The following CPNE3 variants were observed in gnomAD, a reference collection of about 807,000 sequenced individuals.
CPNE3 encodes copine-3.
A neutral mutation model predicts 63.9 loss-of-function variants in CPNE3; 68 were observed. The observed-to-expected ratio is 1.06, with a 90% confidence interval of 0.87 to 1.30. The LOEUF is 1.30. Among genes scored for constraint, CPNE3 ranks in the 50% most tolerant of loss-of-function variants. CPNE3 has a pLI of 0.00. For synonymous variants in CPNE3, 219 were observed against 197.5 expected (o/e 1.11, Z -0.91); for missense variants, 665 against 578.1 (o/e 1.15, Z -1.54).
intron 14 of CPNE3, among the ~76,000 whole-genome samples, chr8:86,552,830 A>G (rs961095000): frequency 5.7e-5 from 8 of 141,484 alleles, no homozygotes; most frequent in Non-Finnish European, 1.1e-4. Flanking sequence ...AATTATTATT[A>G]TTATTAATTT....
chr8:86,531,563 A>G (rs1390413935), intron 5 of CPNE3, among the ~76,000 whole-genome samples: 1 of 152,198 alleles, frequency 6.6e-6, no homozygotes, highest in Non-Finnish European at 1.5e-5. Flanking sequence ...TTGGTTCTCT[A>G]CTGGAGGAAC....
At position 86,554,895 on chromosome 8, in the gene CPNE3, A is replaced by G; in HGVS notation, c.1165A>G (p.Ile389Val). The change falls in exon 15 of 17, where the codon ATA (isoleucine) becomes GTA (valine). Residue 389 changes from isoleucine to valine, a missense_variant. Transcript: ENST00000517490. ...GGCGTATCGGTCTTGTCTTCCTCAG[A>G]TAAAACTCTATGGACCAACTAATTT... ...VEAYRSCLPQ[I>V]KLYGPTNFSP... 1 of 1,614,180 alleles carries G rather than the reference A, an allele frequency of 6.2e-7. No individual in the cohort carries two copies. Among genetic ancestry groups the G allele is most frequent in the Non-Finnish European group, 8.5e-7 (1 of 1,180,030 alleles).
intron 12 of CPNE3, 135 bp from the exon 13 acceptor site, chr8:86,550,911 G>T: frequency 1.3e-6 from 1 of 799,822 alleles, no homozygotes; most frequent in Non-Finnish European, 1.9e-6. Context: ...GATTCTCTTT[G>T]GCAGTTAATA....
At chr8:86,553,523 C>G (rs528734932) in intron 14 of CPNE3, among the ~76,000 whole-genome samples, 2 of 152,232 alleles carry the variant, frequency 1.3e-5, no homozygotes, top group African/African-American at 4.8e-5. Context: ...TTCAGCATAG[C>G]AATATGCAGT....
intron 9 of CPNE3, chr8:86,545,122 A>G (rs776506749): frequency 7.4e-5 from 15 of 203,686 alleles, no homozygotes; most frequent in Admixed American, 1.2e-4. Flanking sequence ...TAGAAGTCCA[A>G]TCCTTTTGCC....
At chr8:86,534,257 A>G (rs1279064582) in intron 6 of CPNE3, among the ~76,000 whole-genome samples, 2 of 152,234 alleles carry the variant, frequency 1.3e-5, no homozygotes, top group Non-Finnish European at 2.9e-5. Flanking sequence ...TGTTGGCAAG[A>G]CAGTTTCATC....
intron 8 of CPNE3, among the ~76,000 whole-genome samples, chr8:86,543,204 G>A (rs1820979042): frequency 6.6e-6 from 1 of 152,072 alleles, no homozygotes; most frequent in Non-Finnish European, 1.5e-5. Flanking sequence ...TGGATACTGA[G>A]TAGGGCAAGA....
At position 86,540,289 on chromosome 8, in the gene CPNE3, CT is replaced by C; in HGVS notation, c.589del (p.Ser197LeufsTer37). The C allele has an allele frequency of 6.2e-7, 1 of 1,603,674 alleles. No homozygotes were observed. The highest frequency in any genetic ancestry group is 2.3e-5 in the East Asian group (1 of 44,232). On this transcript the variant is annotated frameshift_variant, in exon 8 of 17. Coordinates refer to ENST00000517490, the MANE Select transcript of CPNE3 (RefSeq NM_003909.5). LOFTEE classifies it high-confidence loss of function. ...ATCCTGTTTGGAGGCCTTTCAAGAT[CT>C]CTCTTAACTCACTGTGTTACGGAGA... ...LNPVWRPFKI[S>X]LNSLCYGDMD...
chr8:86,520,201 A>C (rs1820401847), intron 2 of CPNE3, among the ~76,000 whole-genome samples: 1 of 152,220 alleles, frequency 6.6e-6, no homozygotes, highest in Non-Finnish European at 1.5e-5. Flanking sequence ...ACATTAATGG[A>C]AAAGACCTTA....
intron 6 of CPNE3, 106 bp from the exon 7 acceptor site, chr8:86,537,457 T>C: frequency 2.7e-6 from 2 of 727,984 alleles, no homozygotes; most frequent in Non-Finnish European, 5.0e-6. Flanking sequence ...ATCAATACTA[T>C]AGAGTTAGAC....
At chr8:86,537,734 A>G (rs1354831668) in intron 7 of CPNE3, 88 bp downstream of exon 7, 2 of 817,926 alleles carry the variant, frequency 2.4e-6, no homozygotes, top group East Asian at 2.6e-5. Context: ...TTATAAAAGT[A>G]TCAATCTGAG....
At position 86,528,619 on chromosome 8, in the gene CPNE3, C is replaced by G; in HGVS notation, c.74C>G (p.Ser25Ter). 6.2e-7 allele frequency: 1 copy of G among 1,613,994 alleles called. No homozygotes were observed. Residue 25 changes from serine to a stop codon, truncating the protein, a stop_gained, in exon 3 of 17, where the codon TCA becomes TGA. Coordinates refer to ENST00000517490, the MANE Select transcript of CPNE3 (RefSeq NM_003909.5). LOFTEE classifies it high-confidence loss of function. The stretch of plus-strand genomic sequence containing the variant: ...AATCTTTTGGATAAAGATATAGGGT[C>G]AAAGTCAGACCCTTTATGTGTGTTG... ...CANLLDKDIG[S>*]KSDPLCVLFL... is the part of the protein sequence containing the mutation.
At chr8:86,527,752 T>G (rs918887976) in intron 2 of CPNE3, among the ~76,000 whole-genome samples, 3 of 151,814 alleles carry the variant, frequency 2.0e-5, no homozygotes, top group African/African-American at 4.8e-5. Flanking sequence ...GAAAGGGGGC[T>G]TTGGGGGCTT....
chr8:86,557,187 T>A (rs1821343874), intron 16 of CPNE3, among the ~76,000 whole-genome samples: 1 of 152,180 alleles, frequency 6.6e-6, no homozygotes, highest in Admixed American at 6.5e-5. Flanking sequence ...TCTTGCTCTG[T>A]CACCCAGGCT....
intron 6 of CPNE3, among the ~76,000 whole-genome samples, chr8:86,532,946 T>A (rs985255197): frequency 6.6e-6 from 1 of 152,208 alleles, no homozygotes; most frequent in African/African-American, 2.4e-5. Context: ...AATTTTTTTT[T>A]ATGAAGGATG....
intron 12 of CPNE3, 179 bp from the exon 13 acceptor site, chr8:86,550,867 A>G (rs111852090): frequency 1.6e-6 from 1 of 607,592 alleles, no homozygotes; most frequent in South Asian, 3.1e-5. Context: ...GCACAGAAAA[A>G]TATTTAGGAT....
chr8:86,542,531 T>C (rs920910886), intron 8 of CPNE3, among the ~76,000 whole-genome samples: 2 of 151,900 alleles, frequency 1.3e-5, no homozygotes, highest in Admixed American at 6.6e-5. Flanking sequence ...ATATGTTTAT[T>C]ATGTATACTA....
At chr8:86,525,610 T>C (rs1820525218) in intron 2 of CPNE3, among the ~76,000 whole-genome samples, 1 of 152,210 alleles carries the variant, frequency 6.6e-6, no homozygotes. Context: ...GTTGTTTTTG[T>C]AGCTTTTGTA....
chr8:86,532,648 C>A, intron 6 of CPNE3, 68 bp downstream of exon 6: 3 of 1,332,930 alleles, frequency 2.3e-6, no homozygotes, highest in South Asian at 1.3e-5. Context: ...AATAAAAATG[C>A]AGTTAATATC....
Sources: gnomAD v4.1 joint callset for allele counts (sites outside exome capture counted in the v4.1 genomes callset) on GRCh38, gnomAD v4.1.1 for gene constraint, MANE v1.5 for transcripts, NCBI Gene and HGNC (gene_info 2026-07-23, HGNC 2026-07-21) for gene names.